The following REXO1 variants were observed in gnomAD, a reference collection of about 807,000 sequenced individuals.
REXO1 encodes the protein RNA exonuclease 1 homolog.
REXO1 carries 42 observed loss-of-function variants against 102.6 expected under a neutral mutation model. The observed-to-expected ratio is 0.41, with a 90% confidence interval of 0.32 to 0.53. REXO1 has a LOEUF of 0.53. REXO1 is among the 20% of genes least tolerant of loss of function. REXO1 has a pLI of 0.27. For synonymous variants in REXO1, 908 were observed against 779.1 expected, an observed-to-expected ratio of 1.17 and a Z score of -2.76; for missense variants, 1,819 against 1,732.5, an observed-to-expected ratio of 1.05 and a Z score of -0.89.
At chr19:1,840,060 G>A (rs1277351261) in intron 1 of REXO1, among the ~76,000 whole-genome samples, 1 of 152,294 alleles carries the variant, frequency 6.6e-6, no homozygotes, top group South Asian at 2.1e-4. Flanking sequence ...CCGTTAACAG[G>A]GTGGGGATGG....
rs113943253 is a variant in REXO1, at chr19:1,829,584, G to A, written c.158-953C>T. On this transcript the variant is annotated intron_variant, in intron 1 of 15. Coordinates refer to ENST00000170168, the MANE Select transcript of REXO1 (RefSeq NM_020695.4). ...AACATTTTGGGAGGCCAAGGCGGGCGGATCACCTGAGGTCGGGAGTTCAAG... is the reference window on the plus strand; with the variant it reads ...AACATTTTGGGAGGCCAAGGCGGGCAGATCACCTGAGGTCGGGAGTTCAAG... Among the ~76,000 whole-genome samples, 1,177 of 152,260 alleles carry A rather than the reference G, an allele frequency of 7.7e-3. 12 individuals carry two copies. The highest frequency in any genetic ancestry group is 0.034 in the Middle Eastern group (10 of 294).
chr19:1,836,547 A>G (rs1367172733), intron 1 of REXO1, among the ~76,000 whole-genome samples: 1 of 152,020 alleles, frequency 6.6e-6, no homozygotes, highest in African/African-American at 2.4e-5. Context: ...GGAGTTCGAG[A>G]CCAGCCTGGA....
intron 1 of REXO1, among the ~76,000 whole-genome samples, chr19:1,829,104 AGTGTGCCCGCG>A (rs1231086669): frequency 6.6e-6 from 1 of 152,192 alleles, no homozygotes; most frequent in Non-Finnish European, 1.5e-5. Flanking sequence ...CCCAGCCAGC[AGTGTGCCCGCG>A]GTGTGGCGGA....
At chr19:1,834,480 T>C (rs1005274726) in intron 1 of REXO1, among the ~76,000 whole-genome samples, 6 of 152,138 alleles carry the variant, frequency 3.9e-5, no homozygotes, top group African/African-American at 9.7e-5. Context: ...AGTGGTACCA[T>C]GATGGCTCGC....
At chr19:1,816,386 C>T in intron 14 of REXO1, 41 bp from the exon 15 acceptor site, 2 of 1,599,388 alleles carry the variant, frequency 1.3e-6, no homozygotes, top group South Asian at 2.2e-5. Flanking sequence ...GGGGCCTGCG[C>T]AGGTCCTGCT....
chr19:1,817,407 GC>G lies in REXO1; in HGVS notation c.3091-79del, dbSNP rs2069402136. Reference sequence around the variant, plus strand: ...GGTGGCAGCAGCAGCACATCTCTGAGCCCTTCGGGACCATCCTATCCATCCA... The same window carrying G: ...GGTGGCAGCAGCAGCACATCTCTGAGCCTTCGGGACCATCCTATCCATCCA... On this transcript the variant is annotated intron_variant, in intron 11 of 15. Coordinates refer to ENST00000170168, the MANE Select transcript of REXO1 (RefSeq NM_020695.4). The G allele has an allele frequency of 1.9e-6, 3 of 1,576,888 alleles. No individual in the cohort carries two copies. In the South Asian group the frequency reaches 3.4e-5, roughly 18 times the overall value.
Position 1,825,873 on chromosome 19 carries a change from C to T in REXO1, c.1982G>A (p.Arg661Lys), listed in dbSNP as rs1262401926. ...GLTTLFPGQK[R>K]RISHLSKQGQ... ...TTGCTTGGAAAGGTGGGAGATCCTC[C>T]TCTTCTGCCCGGGGAACAGAGTGGT... Residue 661 changes from arginine (R) to lysine (K), a missense_variant, in exon 3 of 16, where the codon AGG (arginine) becomes AAG (lysine). Arg to Lys is a conservative substitution (Grantham distance 26, BLOSUM62 2). Transcript: ENST00000170168. 11 of 1,613,790 alleles carry T rather than the reference C, an allele frequency of 6.8e-6. No homozygotes were observed. Among genetic ancestry groups the T allele is most frequent in the Non-Finnish European group, 9.3e-6 (11 of 1,179,870 alleles).
rs370908942 is a variant in REXO1 at position 1,817,736 on chromosome 19, C to T, written c.3061G>A (p.Ala1021Thr). 6.1e-5 allele frequency: 99 copies of T among 1,612,274 alleles called. No homozygotes were observed. The highest frequency in any genetic ancestry group is 3.4e-4 in the South Asian group (31 of 90,978). Residue 1021 changes from alanine (A) to threonine (T), a missense_variant, in exon 11 of 16, where the codon GCC (alanine) becomes ACC (threonine). Transcript: ENST00000170168. ...GCGACTTGGCAGCCGACAGAGCCGG[C>T]GGCAGCCGAGCAGCACATGTACTGG... Reference protein sequence around the residue: ...ETQYMCCSAAAGSVGCQVAKQ... With the variant: ...ETQYMCCSAATGSVGCQVAKQ...
chr19:1,843,958 C>T (rs1341718710), intron 1 of REXO1, among the ~76,000 whole-genome samples: 3 of 152,262 alleles, frequency 2.0e-5, no homozygotes, highest in Admixed American at 2.0e-4. Context: ...CCTCCTTCTC[C>T]CTTCTCGCCT....
intron 10 of REXO1, 135 bp downstream of exon 10, chr19:1,818,347 G>A: frequency 3.0e-6 from 2 of 660,574 alleles, no homozygotes; most frequent in Non-Finnish European, 5.3e-6. Context: ...CTCTGCCAAA[G>A]ACGGTGCAGC....
chr19:1,825,957 C>A lies in REXO1; in HGVS notation c.1912-14G>T. 1 of 1,589,990 alleles carries A rather than the reference C, an allele frequency of 6.3e-7. No homozygotes were observed. The highest frequency in any genetic ancestry group is 8.6e-7 in the Non-Finnish European group (1 of 1,158,634). ...TTCCTTGGGGGGCTAAGACACATGT[C>A]CGTCCGTCAGCACAGGTCTGCCCTC... On this transcript the variant is annotated splice_polypyrimidine_tract_variant and intron_variant, in intron 2 of 15. Coordinates refer to ENST00000170168, the MANE Select transcript of REXO1 (RefSeq NM_020695.4).
chr19:1,848,241 C>A lies in REXO1; in HGVS notation c.118G>T (p.Gly40Cys), dbSNP rs1433642259. 8 of 1,229,700 alleles carry A rather than the reference C, an allele frequency of 6.5e-6. No individual in the cohort carries two copies. The highest frequency in any genetic ancestry group is 3.1e-5 in the African/African-American group (2 of 63,700). The allele number at this position is 1,229,700 out of a possible 1,614,324, so 76.2% of individuals were successfully genotyped here. A position where few individuals can be genotyped will look rare whatever the true frequency, so the allele number is the denominator to read the frequency against. The change falls in exon 1 of 16, where the codon GGC becomes TGC. Residue 40 changes from glycine (G) to cysteine (C), a missense_variant. Physicochemically the swap from Gly to Cys is radical, Grantham distance 159 (BLOSUM62 -3). Transcript: ENST00000170168. ...HFRHRGARGS[G>C]APGDGGEAPP... ...GCCTCTCCGCCGTCACCGGGCGCGC[C>A]GGAGCCCCGGGCCCCGCGGTGCCGG...
At position 1,820,337 on chromosome 19, in the gene REXO1, C is replaced by T; in HGVS notation, c.2453G>A (p.Arg818His). ...EFGGKVPTVI[R>H]QRYLNLFIEE... Reference sequence around the variant, plus strand: ...GATGAACAGGTTGAGATAGCGCTGGCGGATGACGGTGGGGACTTTGCCCCC... The same window carrying T: ...GATGAACAGGTTGAGATAGCGCTGGTGGATGACGGTGGGGACTTTGCCCCC... The change falls in exon 6 of 16, where the codon CGC becomes CAC. Residue 818 changes from arginine to histidine, a missense_variant. Arg to His is a conservative substitution (Grantham distance 29). Transcript: ENST00000170168. 3 of 1,613,874 alleles carry T rather than the reference C, an allele frequency of 1.9e-6. No homozygotes were observed. The highest frequency in any genetic ancestry group is 1.7e-6 in the Non-Finnish European group (2 of 1,179,950).
At chr19:1,844,816 G>A (rs2011464029) in intron 1 of REXO1, among the ~76,000 whole-genome samples, 2 of 152,210 alleles carry the variant, frequency 1.3e-5, no homozygotes, top group African/African-American at 2.4e-5. Context: ...TGTCCTGCTG[G>A]GGCCTGAGTC....
chr19:1,817,317 C>T lies in REXO1; in HGVS notation c.3103G>A (p.Asp1035Asn). The stretch of plus-strand genomic sequence containing the variant: ...CCCTCAAGGCGCTCCTTCCGGCCAT[C>T]CTGCACGTGTTGCTGGGGGTGGAGA... ...GCQVAKQHVQ[D>N]GRKERLEGFV... The change falls in exon 12 of 16, where the codon GAT (aspartate) becomes AAT (asparagine). Residue 1035 changes from aspartate to asparagine, a missense_variant. By Grantham distance (23) the Asp-to-Asn change is conservative. Coordinates refer to ENST00000170168, the MANE Select transcript of REXO1 (RefSeq NM_020695.4). 1.2e-6 allele frequency: 2 copies of T among 1,612,684 alleles called. No homozygotes were observed. Among genetic ancestry groups the T allele is most frequent in the Non-Finnish European group, 1.7e-6 (2 of 1,180,000 alleles).
In REXO1 at chr19:1,816,173, G is replaced by A. The variant is rs1337736112; in HGVS notation, c.3578-19C>T. On this transcript the variant is annotated intron_variant, in intron 15 of 15. Transcript: ENST00000170168. ...CCATCCACTGCGGGGCAGATGCGGT[G>A]AGCACCCGGCCCCTGCGCAGGGACG... 5 of 1,554,908 alleles carry A rather than the reference G, an allele frequency of 3.2e-6. No homozygotes were observed. Among genetic ancestry groups the A allele is most frequent in the African/African-American group, 2.7e-5 (2 of 73,456 alleles).
chr19:1,826,063 GCT>G lies in REXO1; in HGVS notation c.1912-122_1912-121del. 1 of 699,584 alleles carries G rather than the reference GCT, an allele frequency of 1.4e-6. No individual in the cohort carries two copies. The highest frequency in any genetic ancestry group is 2.3e-5 in the Admixed American group (1 of 43,422). 43.3% of individuals were successfully genotyped at this position (699,584 alleles called of 1,614,324 possible). A position where few individuals can be genotyped will look rare whatever the true frequency, so the allele number is the denominator to read the frequency against. On this transcript the variant is annotated intron_variant, in intron 2 of 15. Coordinates refer to ENST00000170168, the MANE Select transcript of REXO1 (RefSeq NM_020695.4). The surrounding 1 kb of genome is among the most constrained non-coding windows in gnomAD (Gnocchi z 4.3). ...AACAGTCCAGCCCCCAGGCACAGCA[GCT>G]GAGGGCTCAGGGCCAACAGTCCCTG...
intron 1 of REXO1, among the ~76,000 whole-genome samples, chr19:1,832,110 G>T (rs979253970): frequency 6.6e-6 from 1 of 152,204 alleles, no homozygotes. Context: ...TTTAAAGAGG[G>T]AGGCAGGAGG....
At chr19:1,819,668 G>T (rs954907487) in intron 7 of REXO1, among the ~76,000 whole-genome samples, 1 of 152,224 alleles carries the variant, frequency 6.6e-6, no homozygotes, top group African/African-American at 2.4e-5. Flanking sequence ...AGCTGCCGCA[G>T]CTCCATTAGC....
Sources: allele counts gnomAD v4.1 joint callset (sites outside exome capture counted in the v4.1 genomes callset), GRCh38; gene constraint gnomAD v4.1.1; non-coding constraint Gnocchi (gnomAD v3.1); transcripts MANE v1.5; gene names NCBI Gene and HGNC (gene_info 2026-07-23, HGNC 2026-07-21).